Variants in SPTSSB observed in about 807,000 individuals in gnomAD.
SPTSSB encodes the protein serine palmitoyltransferase small subunit B.
Under a neutral mutation model 7.7 loss-of-function variants are expected in SPTSSB, and 6 were observed. The ratio of observed to expected loss-of-function variants is 0.78; its 90% CI spans 0.43 to 1.54. The LOEUF (loss-of-function observed/expected upper bound fraction) is 1.54, where lower values mean the gene tolerates loss of function less well. SPTSSB is among the 40% of genes most tolerant of loss of function. The pLI, the probability that SPTSSB is intolerant of heterozygous loss-of-function variation, is 0.01. For synonymous variants in SPTSSB, 28 were observed against 29.7 expected (o/e 0.94, Z 0.19); for missense variants, 91 against 93.0 (o/e 0.98, Z 0.09).
chr3:161,357,499 G>A (rs1323396444), intron 2 of SPTSSB, among the ~76,000 whole-genome samples: 1 of 152,204 alleles, frequency 6.6e-6, no homozygotes, highest in East Asian at 1.9e-4. Flanking sequence ...TGTTGTCAGG[G>A]CGAAGGCCAG....
At chr3:161,363,717 A>G (rs1715104219) in intron 1 of SPTSSB, among the ~76,000 whole-genome samples, 1 of 152,066 alleles carries the variant, frequency 6.6e-6, no homozygotes, top group Non-Finnish European at 1.5e-5. Context: ...TTAATTCTGT[A>G]TTCTGATTTT....
chr3:161,354,567 G>C (rs949744745), intron 2 of SPTSSB, among the ~76,000 whole-genome samples: 1 of 152,192 alleles, frequency 6.6e-6, no homozygotes, highest in African/African-American at 2.4e-5. Context: ...GTTGGTCTCA[G>C]ACTCCTGGCT....
chr3:161,369,922 G>C (rs460165), intron 1 of SPTSSB, among the ~76,000 whole-genome samples: 1 of 151,918 alleles, frequency 6.6e-6, no homozygotes, highest in African/African-American at 2.4e-5. Flanking sequence ...TATTTTCTTC[G>C]TGCTGTATGT....
chr3:161,366,526 A>C (rs1030850893), intron 1 of SPTSSB, among the ~76,000 whole-genome samples: 17 of 152,104 alleles, frequency 1.1e-4, no homozygotes, highest in African/African-American at 3.9e-4. Flanking sequence ...GGCGAGTTAC[A>C]GTGGCCAGGT....
chr3:161,360,796 T>C (rs1714975228), intron 1 of SPTSSB, among the ~76,000 whole-genome samples: 1 of 152,052 alleles, frequency 6.6e-6, no homozygotes, highest in African/African-American at 2.4e-5. Context: ...AAAAAGACAA[T>C]TGGTAAAGAT....
intron 1 of SPTSSB, among the ~76,000 whole-genome samples, chr3:161,361,509 A>C (rs1021801013): frequency 6.6e-5 from 10 of 152,188 alleles, no homozygotes; most frequent in African/African-American, 2.4e-4. Flanking sequence ...TGAAATTGGC[A>C]AACTGGAGTT....
intron 1 of SPTSSB, among the ~76,000 whole-genome samples, chr3:161,365,276 A>C (rs1292431299): frequency 1.3e-5 from 2 of 152,226 alleles, no homozygotes; most frequent in Non-Finnish European, 2.9e-5. Context: ...GTATTTAGCA[A>C]GGATGTAGGA....
chr3:161,367,799 T>C (rs938138790), intron 1 of SPTSSB, among the ~76,000 whole-genome samples: 4 of 152,116 alleles, frequency 2.6e-5, no homozygotes, highest in African/African-American at 9.7e-5. Context: ...TTAATCTGAG[T>C]AGAAGGCAAG....
chr3:161,345,162 T>A lies in SPTSSB; in HGVS notation c.*931A>T, dbSNP rs1714152182. 6.6e-6 allele frequency: 1 copy of A among 152,664 alleles called. No individual in the cohort carries two copies. Among genetic ancestry groups the A allele is most frequent in the Non-Finnish European group, 1.5e-5 (1 of 68,038 alleles). The allele number at this position is 152,664 out of a possible 1,614,324, so 9.5% of individuals were successfully genotyped here. ...GAAATTTAATAAATCTTGTTTTGGCTCTGCAAAGGAGCCACTATATCAAAG... is the reference window on the plus strand; with the variant it reads ...GAAATTTAATAAATCTTGTTTTGGCACTGCAAAGGAGCCACTATATCAAAG... On this transcript the variant is annotated 3_prime_UTR_variant, in exon 3 of 3. Coordinates refer to ENST00000620149, the MANE Select transcript of SPTSSB (RefSeq NM_001040100.2).
intron 2 of SPTSSB, among the ~76,000 whole-genome samples, chr3:161,354,262 G>T (rs1170787134): frequency 6.6e-6 from 1 of 152,220 alleles, no homozygotes; most frequent in Non-Finnish European, 1.5e-5. Context: ...TAACAGTTCA[G>T]TCAGGTTGTT....
chr3:161,369,670 TA>T (rs1715423072), intron 1 of SPTSSB, among the ~76,000 whole-genome samples: 1 of 152,082 alleles, frequency 6.6e-6, no homozygotes, highest in Admixed American at 6.6e-5. Flanking sequence ...CAGTTGCTCT[TA>T]TCTAGAATAG....
chr3:161,361,575 T>C (rs1715018422), intron 1 of SPTSSB, among the ~76,000 whole-genome samples: 1 of 152,210 alleles, frequency 6.6e-6, no homozygotes, highest in African/African-American at 2.4e-5. Context: ...AGTTATGCCA[T>C]CAGTAACATG....
chr3:161,359,248 C>G (rs1370636630), intron 2 of SPTSSB: 1 of 151,766 alleles, frequency 6.6e-6, no homozygotes, highest in African/African-American at 2.4e-5. Flanking sequence ...TTCATTTTAC[C>G]ATATTTTTCT....
chr3:161,356,017 A>G (rs1486718252), intron 2 of SPTSSB, among the ~76,000 whole-genome samples: 1 of 152,232 alleles, frequency 6.6e-6, no homozygotes, highest in African/African-American at 2.4e-5. Flanking sequence ...TCGATGTACC[A>G]TACAAAGCTG....
intron 2 of SPTSSB, among the ~76,000 whole-genome samples, chr3:161,352,347 C>G (rs1422402247): frequency 1.3e-5 from 2 of 152,200 alleles, no homozygotes; most frequent in African/African-American, 4.8e-5. Flanking sequence ...AGATAAACTC[C>G]TATTTTAAGC....
At position 161,366,417 on chromosome 3, in the gene SPTSSB, T is replaced by C. The variant is rs371426554; in HGVS notation, c.-126+5018A>G. 3.4e-4 allele frequency among the ~76,000 whole-genome samples: 52 copies of C among 152,266 alleles called. No homozygotes were observed. The East Asian group carries it at 8.3e-3, about 24-fold the overall frequency. ...TTTTCTGATGAAACAACAGCAAATATAGGCAGCAAAATAATCTTGGTGGTT... is the reference window on the plus strand; with the variant it reads ...TTTTCTGATGAAACAACAGCAAATACAGGCAGCAAAATAATCTTGGTGGTT... On this transcript the variant is annotated intron_variant, in intron 1 of 2. Coordinates refer to ENST00000620149, the MANE Select transcript of SPTSSB (RefSeq NM_001040100.2).
chr3:161,346,916 G>T (rs1471664792), intron 2 of SPTSSB, among the ~76,000 whole-genome samples: 2 of 152,192 alleles, frequency 1.3e-5, no homozygotes, highest in African/African-American at 4.8e-5. Context: ...CTGAAGAGGT[G>T]GGAATGGCCA....
At chr3:161,367,875 C>T (rs1184658479) in intron 1 of SPTSSB, among the ~76,000 whole-genome samples, 2 of 152,140 alleles carry the variant, frequency 1.3e-5, no homozygotes, top group African/African-American at 2.4e-5. Flanking sequence ...CAAACTCAAC[C>T]GCTGGCCTGA....
intron 1 of SPTSSB, among the ~76,000 whole-genome samples, chr3:161,363,304 A>T (rs562613650): frequency 6.6e-6 from 1 of 151,692 alleles, no homozygotes; most frequent in Non-Finnish European, 1.5e-5. Flanking sequence ...CTCTAGAAAT[A>T]GTACAGTTAA....
Sources: allele counts gnomAD v4.1 joint callset (sites outside exome capture counted in the v4.1 genomes callset), GRCh38; gene constraint gnomAD v4.1.1; transcripts MANE v1.5; gene names NCBI Gene and HGNC (gene_info 2026-07-23, HGNC 2026-07-21).